SBK1: variants seen among roughly 807,000 people sequenced by gnomAD.
SBK1 encodes SH3 domain binding kinase 1.
SBK1 carries 11 observed loss-of-function variants against 24.4 expected under a neutral mutation model. The observed-to-expected ratio is 0.45, with a 90% CI of 0.28 to 0.75. The LOEUF (loss-of-function observed/expected upper bound fraction) is 0.75, where lower values mean the gene tolerates loss of function less well. Ranked by LOEUF, SBK1 falls within the 30% of genes least tolerant of loss-of-function variation. The pLI, the probability that SBK1 is intolerant of heterozygous loss-of-function variation, is 0.12. For missense variants in SBK1, 467 were observed against 620.5 expected (o/e 0.75, Z 2.63); for synonymous variants, 308 against 284.4 (o/e 1.08, Z -0.83).
chr16:28,260,114 G>C lies in SBK1; in HGVS notation c.257+612G>C, dbSNP rs2044388682. On this transcript the variant is annotated intron_variant, in intron 1 of 3. Coordinates refer to the SBK1 transcript ENST00000671413. ...TGTGTGTGTGTGTGTGTGTAAAAGA[G>C]AGAGGGAGAGAGACAGAATGGTTTG... Among the ~76,000 whole-genome samples, 3 of 143,952 alleles carry C rather than the reference G, an allele frequency of 2.1e-5. No individual in the cohort carries two copies. The South Asian group carries it at 6.7e-4, about 32-fold the overall frequency. 94.4% of individuals were successfully genotyped at this position (143,952 alleles called of 152,430 possible). A position where few individuals can be genotyped will look rare whatever the true frequency, so the allele number is the denominator to read the frequency against.
intron 1 of SBK1, among the ~76,000 whole-genome samples, chr16:28,314,005 A>G (rs1266418806): frequency 8.1e-6 from 1 of 123,326 alleles, no homozygotes; most frequent in Admixed American, 1.1e-4. Context: ...GGTGATGATG[A>G]CGAGAACAAC....
chr16:28,320,495 C>G lies in SBK1; in HGVS notation c.849C>G (p.Arg283=), dbSNP rs1567681596. ...RLPGLPSQWR[R]FTEPALRMFQ... is the part of the protein sequence containing the mutation. ...CGGGGCTGCCTTCGCAGTGGCGCCG[C>G]TTCACCGAGCCCGCGCTGCGCATGT... is the stretch of plus-strand genomic sequence containing the variant. Residue 283 remains arginine, a synonymous_variant, in exon 4 of 4, where the codon CGC becomes CGG. Transcript: ENST00000341901. The surrounding 1 kb of genome is among the most constrained non-coding windows in gnomAD (Gnocchi z 8.5). 1 of 1,572,208 alleles carries G rather than the reference C, an allele frequency of 6.4e-7. No individual in the cohort carries two copies. Among genetic ancestry groups the G allele is most frequent in the South Asian group, 1.1e-5 (1 of 89,398 alleles).
chr16:28,314,821 A>C (rs2141589414), intron 1 of SBK1, among the ~76,000 whole-genome samples: 1 of 152,296 alleles, frequency 6.6e-6, no homozygotes, highest in Non-Finnish European at 1.5e-5. Flanking sequence ...TCTACTAAAC[A>C]TGCAAAAATT....
chr16:28,287,284 T>C (rs368720283), intron 1 of SBK1, among the ~76,000 whole-genome samples: 1 of 43,636 alleles, frequency 2.3e-5, no homozygotes, highest in Non-Finnish European at 5.1e-5. Context: ...CTACTAAAAA[T>C]ACAAAAAAAA....
At chr16:28,279,989 T>C (rs1567672079) in intron 1 of SBK1, among the ~76,000 whole-genome samples, 3 of 150,882 alleles carry the variant, frequency 2.0e-5, no homozygotes, top group Admixed American at 6.7e-5. Context: ...GGTTTATTTA[T>C]TTATTTATTT....
chr16:28,284,940 A>G (rs1169555654), intron 1 of SBK1: 2 of 152,216 alleles, frequency 1.3e-5, no homozygotes, highest in African/African-American at 4.8e-5. Context: ...ATTTTATCAC[A>G]TTTATGTCAG....
upstream of SBK1, among the ~76,000 whole-genome samples, chr16:28,288,442 C>A (rs531822283): frequency 6.6e-6 from 1 of 152,202 alleles, no homozygotes; most frequent in East Asian, 1.9e-4. Context: ...GTGAGCCTCT[C>A]TTTCTATGGG....
upstream of SBK1, among the ~76,000 whole-genome samples, chr16:28,288,932 C>T (rs1051701436): frequency 7.9e-5 from 12 of 152,218 alleles, no homozygotes; most frequent in Admixed American, 3.9e-4. Context: ...GAGAGGGAGT[C>T]GGGAGGGGGA....
Position 28,322,695 on chromosome 16 carries a change from A to G in SBK1, c.*1774A>G, listed in dbSNP as rs2044860024. ...TCCCCAGTGGGTATGGGCCCTCCAC[A>G]TGCCAGGTAAGTAGCAAACCCCCAC... On this transcript the variant is annotated 3_prime_UTR_variant, in exon 4 of 4. Transcript: ENST00000341901. 6.5e-6 allele frequency: 1 copy of G among 152,860 alleles called. No individual in the cohort carries two copies. Among genetic ancestry groups the G allele is most frequent in the East Asian group, 1.9e-4 (1 of 5,260 alleles). 9.5% of individuals were successfully genotyped at this position (152,860 alleles called of 1,614,324 possible).
At chr16:28,293,597 C>T (rs571382847) in intron 1 of SBK1, among the ~76,000 whole-genome samples, 8 of 151,950 alleles carry the variant, frequency 5.3e-5, no homozygotes, top group South Asian at 4.1e-4. Flanking sequence ...GAGTCCCCCC[C>T]CAAAAGCTGC....
chr16:28,279,264 T>A (rs2141566314), intron 1 of SBK1, among the ~76,000 whole-genome samples: 1 of 151,468 alleles, frequency 6.6e-6, no homozygotes, highest in East Asian at 1.9e-4. Context: ...CTGGGCGCTA[T>A]GGCTCATGCC....
chr16:28,288,983 T>C (rs979614264), upstream of SBK1, among the ~76,000 whole-genome samples: 2 of 152,202 alleles, frequency 1.3e-5, no homozygotes, highest in African/African-American at 4.8e-5. Context: ...CTTTACTAAC[T>C]GCACTATGGG....
chr16:28,318,628 T>C (rs2044815529), intron 2 of SBK1, among the ~76,000 whole-genome samples: 1 of 152,244 alleles, frequency 6.6e-6, no homozygotes, highest in Admixed American at 6.5e-5. Context: ...GTGTCTCATT[T>C]CTTATTCATT....
intron 1 of SBK1, among the ~76,000 whole-genome samples, chr16:28,287,286 C>CAAAAAAAAAAA (rs56232453): frequency 4.0e-5 from 5 of 124,868 alleles, no homozygotes; most frequent in Admixed American, 8.5e-5. Context: ...ACTAAAAATA[C>CAAAAAAAAAAA]AAAAAAAAAA....
chr16:28,320,515 G>T lies in SBK1; in HGVS notation c.869G>T (p.Arg290Leu), dbSNP rs1162788282. The change falls in exon 4 of 4, where the codon CGC becomes CTC. Residue 290 changes from arginine (R) to leucine (L), a missense_variant. Arg to Leu is a moderately radical substitution (Grantham distance 102, BLOSUM62 -2). Transcript: ENST00000341901. The surrounding 1 kb of genome is among the most constrained non-coding windows in gnomAD (Gnocchi z 8.5). Reference protein sequence around the residue: ...QWRRFTEPALRMFQRLLALEP... With the variant: ...QWRRFTEPALLMFQRLLALEP... ...CGCCGCTTCACCGAGCCCGCGCTGCGCATGTTCCAGCGCTTACTGGCCCTG... is the reference window on the plus strand; with the variant it reads ...CGCCGCTTCACCGAGCCCGCGCTGCTCATGTTCCAGCGCTTACTGGCCCTG... The T allele has an allele frequency of 1.3e-6, 2 of 1,569,520 alleles. No individual in the cohort carries two copies. Among genetic ancestry groups the T allele is most frequent in the Non-Finnish European group, 1.7e-6 (2 of 1,163,940 alleles).
At chr16:28,280,143 ATATATATGTGTGTGTG>A (rs2044522050) in intron 1 of SBK1, among the ~76,000 whole-genome samples, 1 of 57,230 alleles carries the variant, frequency 1.7e-5, no homozygotes. Context: ...ATATATATAT[ATATATATGTGTGTGTG>A]TGTGTGTGTG....
At position 28,320,709 on chromosome 16, in the gene SBK1, G is replaced by A. The variant is rs2044834587; in HGVS notation, c.1063G>A (p.Val355Met). Reference sequence around the variant, plus strand: ...GGCGCCTGGGCCGCTCAAGCGGACGGTGCTGACCGAGAGCGGCAGCGGCTC... The same window carrying A: ...GGCGCCTGGGCCGCTCAAGCGGACGATGCTGACCGAGAGCGGCAGCGGCTC... ...LEAPGPLKRT[V>M]LTESGSGSRP... Residue 355 changes from valine (V) to methionine (M), a missense_variant, in exon 4 of 4, where the codon GTG becomes ATG. By Grantham distance (21) the Val-to-Met change is conservative. This residue lies in a region of SBK1 where 166 missense variants were observed against 146.8 expected (regional missense o/e 1.13). Transcript: ENST00000341901. This position sits in a 1 kb window ranked among gnomAD's most constrained non-coding sequence, Gnocchi z 8.5. 4 of 1,137,706 alleles carry A rather than the reference G, an allele frequency of 3.5e-6. No individual in the cohort carries two copies. Among genetic ancestry groups the A allele is most frequent in the Non-Finnish European group, 4.3e-6 (4 of 924,252 alleles). The allele number at this position is 1,137,706 out of a possible 1,614,324, so 70.5% of individuals were successfully genotyped here.
intron 1 of SBK1, among the ~76,000 whole-genome samples, chr16:28,280,135 A>ATGTGTG (rs1303160487): frequency 6.7e-5 from 4 of 60,102 alleles, no homozygotes; most frequent in Non-Finnish European, 1.7e-4. Flanking sequence ...ATATATATAT[A>ATGTGTG]TATATATATA....
intron 1 of SBK1, among the ~76,000 whole-genome samples, chr16:28,282,129 C>A (rs2044536561): frequency 1.3e-5 from 2 of 152,098 alleles, no homozygotes; most frequent in South Asian, 4.1e-4. Flanking sequence ...GGGAGGTGAC[C>A]CAAAAACTAT....
Sources: allele counts gnomAD v4.1 joint callset (sites outside exome capture counted in the v4.1 genomes callset), GRCh38; gene constraint gnomAD v4.1.1; regional missense constraint gnomAD v4.1.1; non-coding constraint Gnocchi (gnomAD v3.1); transcripts MANE v1.5; gene names NCBI Gene and HGNC (gene_info 2026-07-23, HGNC 2026-07-21).